Variants in ROBO2 observed in about 807,000 individuals in gnomAD.
ROBO2 encodes roundabout homolog 2.
Under a neutral mutation model 160.8 loss-of-function variants are expected in ROBO2, and 53 were observed. The observed-to-expected ratio is 0.33, with a 90% CI of 0.26 to 0.41. ROBO2 has a LOEUF of 0.41. ROBO2 is among the 10% of genes least tolerant of loss of function. The pLI, the probability that ROBO2 is intolerant of heterozygous loss-of-function variation, is 1.00. For synonymous variants in ROBO2, 664 were observed against 611.7 expected, an observed-to-expected ratio of 1.09 and a Z score of -1.26; for missense variants, 1,577 against 1,722.4, an observed-to-expected ratio of 0.92 and a Z score of 1.49.
intron 2 of ROBO2, among the ~76,000 whole-genome samples, chr3:76,210,198 C>T (rs1273757345): frequency 6.6e-6 from 1 of 151,970 alleles, no homozygotes; most frequent in Non-Finnish European, 1.5e-5. Flanking sequence ...TTTAAGAAAC[C>T]TAATGTGTAA....
chr3:76,276,454 A>G (rs947266120), intron 2 of ROBO2, among the ~76,000 whole-genome samples: 2 of 152,084 alleles, frequency 1.3e-5, no homozygotes, highest in Admixed American at 6.6e-5. Flanking sequence ...ATTTTCATTA[A>G]TATAGAACTT....
chr3:76,320,499 A>G (rs1229189874), intron 2 of ROBO2, among the ~76,000 whole-genome samples: 1 of 152,148 alleles, frequency 6.6e-6, no homozygotes, highest in African/African-American at 2.4e-5. Flanking sequence ...TCAATGTCAA[A>G]AACTCTGTCA....
At chr3:76,453,548 G>A (rs1030640792) in intron 2 of ROBO2, among the ~76,000 whole-genome samples, 1 of 152,062 alleles carries the variant, frequency 6.6e-6, no homozygotes, top group South Asian at 2.1e-4. Flanking sequence ...CTCTGTTTTG[G>A]TACCAGTACC....
intron 2 of ROBO2, among the ~76,000 whole-genome samples, chr3:77,015,770 C>G (rs1386018641): frequency 6.6e-6 from 1 of 152,114 alleles, no homozygotes; most frequent in Non-Finnish European, 1.5e-5. Context: ...CTGCCCCAGC[C>G]CCAGGCCCAC....
At chr3:77,560,457 C>A (rs1190783686) in intron 9 of ROBO2, among the ~76,000 whole-genome samples, 1 of 152,056 alleles carries the variant, frequency 6.6e-6, no homozygotes, top group African/African-American at 2.4e-5. Flanking sequence ...TTTATGAGGA[C>A]CCCAAAATGA....
chr3:76,698,670 G>A (rs1315570110), intron 2 of ROBO2, among the ~76,000 whole-genome samples: 1 of 152,092 alleles, frequency 6.6e-6, no homozygotes, highest in Non-Finnish European at 1.5e-5. Context: ...TATAATCCTG[G>A]TCAGATTTAT....
intron 2 of ROBO2, among the ~76,000 whole-genome samples, chr3:77,337,713 T>C (rs1202110773): frequency 6.6e-6 from 1 of 152,146 alleles, no homozygotes; most frequent in East Asian, 1.9e-4. Context: ...AACTAACTGA[T>C]TCTGGGATTA....
At chr3:76,334,245 A>G (rs1345373813) in intron 2 of ROBO2, among the ~76,000 whole-genome samples, 1 of 152,204 alleles carries the variant, frequency 6.6e-6, no homozygotes, top group Non-Finnish European at 1.5e-5. Flanking sequence ...ATCTTGTTTA[A>G]TCATTTTTTA....
chr3:76,760,458 T>C (rs573946203), intron 2 of ROBO2, among the ~76,000 whole-genome samples: 1 of 151,812 alleles, frequency 6.6e-6, no homozygotes, highest in African/African-American at 2.4e-5. Flanking sequence ...ACACTTCTTC[T>C]ATAGCCAACC....
chr3:76,416,467 C>T (rs573649186), intron 2 of ROBO2, among the ~76,000 whole-genome samples: 1 of 152,070 alleles, frequency 6.6e-6, no homozygotes, highest in South Asian at 2.1e-4. Context: ...AAAAATAAAA[C>T]CGTACATAAT....
At chr3:77,364,519 T>C (rs1358901792) in intron 2 of ROBO2, among the ~76,000 whole-genome samples, 1 of 152,090 alleles carries the variant, frequency 6.6e-6, no homozygotes, top group African/African-American at 2.4e-5. Context: ...AAAGAGTCAG[T>C]AACAGGCATA....
chr3:76,392,531 A>G (rs2077206610), intron 2 of ROBO2, among the ~76,000 whole-genome samples: 1 of 152,160 alleles, frequency 6.6e-6, no homozygotes, highest in South Asian at 2.1e-4. Flanking sequence ...CTGAGTAGCT[A>G]TTTGACTGAT....
chr3:76,346,810 T>C (rs1249541936), intron 2 of ROBO2, among the ~76,000 whole-genome samples: 1 of 152,206 alleles, frequency 6.6e-6, no homozygotes, highest in African/African-American at 2.4e-5. Flanking sequence ...TTGCCTGATA[T>C]ACTCACTGAG....
intron 2 of ROBO2, among the ~76,000 whole-genome samples, chr3:76,353,956 TATTACAGTCGGAG>T (rs1243963660): frequency 6.6e-6 from 1 of 151,886 alleles, no homozygotes; most frequent in Non-Finnish European, 1.5e-5. Flanking sequence ...AAAGCAAATT[TATTACAGTCGGAG>T]ACGAAGAACA....
At chr3:77,443,338 T>A (rs2153555676) in intron 2 of ROBO2, among the ~76,000 whole-genome samples, 1 of 152,216 alleles carries the variant, frequency 6.6e-6, no homozygotes, top group South Asian at 2.1e-4. Flanking sequence ...AAAAATAAAT[T>A]CAGCTTAACA....
chr3:77,137,401 T>C (rs2076365092), intron 2 of ROBO2, among the ~76,000 whole-genome samples: 1 of 152,096 alleles, frequency 6.6e-6, no homozygotes, highest in African/African-American at 2.4e-5. Context: ...TAATTTTGTA[T>C]TTCTAGTAGA....
chr3:77,039,503 G>A (rs1262461976), upstream of ROBO2, among the ~76,000 whole-genome samples: 1 of 152,194 alleles, frequency 6.6e-6, no homozygotes, highest in Non-Finnish European at 1.5e-5. Context: ...GCGGCGAGGA[G>A]CAGGAGCCTG....
At chr3:77,307,837 C>T (rs2063218764) in intron 2 of ROBO2, among the ~76,000 whole-genome samples, 1 of 152,042 alleles carries the variant, frequency 6.6e-6, no homozygotes, top group South Asian at 2.1e-4. Context: ...GAGCTAAGAT[C>T]ACACCAGCTA....
At chr3:76,501,184 G>A (rs948265895) in intron 2 of ROBO2, among the ~76,000 whole-genome samples, 1 of 152,110 alleles carries the variant, frequency 6.6e-6, no homozygotes, top group Non-Finnish European at 1.5e-5. Context: ...ATTTTGGAGA[G>A]GGACATAAAT....
Sources: allele counts gnomAD v4.1 joint callset (sites outside exome capture counted in the v4.1 genomes callset), GRCh38; gene constraint gnomAD v4.1.1; transcripts MANE v1.5; gene names NCBI Gene and HGNC (gene_info 2026-07-23, HGNC 2026-07-21).